Variants in JAM3 observed in about 807,000 individuals in gnomAD.
JAM3 encodes the protein junctional adhesion molecule 3.
A neutral mutation model predicts 39.4 loss-of-function variants in JAM3; 31 were observed. The ratio of observed to expected loss-of-function variants is 0.79; its 90% CI spans 0.59 to 1.06. JAM3 has a LOEUF of 1.06. Ranked by LOEUF, JAM3 falls within the 50% of genes least tolerant of loss-of-function variation. The probability of loss-of-function intolerance (pLI) is 0.00; values close to 1 mark genes in which losing one functional copy is unlikely to be tolerated. For synonymous variants in JAM3, 182 were observed against 148.7 expected, an observed-to-expected ratio of 1.22 and a Z score of -1.63; for missense variants, 455 against 391.4, an observed-to-expected ratio of 1.16 and a Z score of -1.37.
At chr11:134,122,695 A>G (rs1342222103) in intron 1 of JAM3, among the ~76,000 whole-genome samples, 1 of 152,218 alleles carries the variant, frequency 6.6e-6, no homozygotes. Flanking sequence ...TGAACTTTAC[A>G]TATAGGGGGC....
At chr11:134,081,089 C>T (rs1021205877) in intron 1 of JAM3, among the ~76,000 whole-genome samples, 10 of 152,048 alleles carry the variant, frequency 6.6e-5, no homozygotes, top group East Asian at 1.9e-4. Flanking sequence ...GGGTATCTAG[C>T]GGAAGAAATT....
At chr11:134,121,130 TGTTGA>T (rs1372598569) in intron 1 of JAM3, among the ~76,000 whole-genome samples, 1 of 152,118 alleles carries the variant, frequency 6.6e-6, no homozygotes, top group Admixed American at 6.5e-5. Context: ...TTTCCCAGCC[TGTTGA>T]GTTAGAACTG....
intron 1 of JAM3, among the ~76,000 whole-genome samples, chr11:134,128,212 G>GA (rs2120806025): frequency 1.3e-5 from 2 of 151,994 alleles, no homozygotes; most frequent in East Asian, 3.9e-4. Flanking sequence ...TGTAGCTGGG[G>GA]ATGCCATTCC....
At chr11:134,125,023 C>T (rs1157910274) in intron 1 of JAM3, among the ~76,000 whole-genome samples, 1 of 152,230 alleles carries the variant, frequency 6.6e-6, no homozygotes, top group Admixed American at 6.5e-5. Flanking sequence ...GACACCCGCC[C>T]GGTGGCGGCG....
At chr11:134,069,967 C>G (rs184004266) in intron 1 of JAM3, among the ~76,000 whole-genome samples, 54 of 152,346 alleles carry the variant, frequency 3.5e-4, no homozygotes, top group Non-Finnish European at 8.8e-5. Flanking sequence ...GATCAAGACA[C>G]ACTAATAAAC....
chr11:134,139,994 A>T (rs1362701149), intron 2 of JAM3, 78 bp downstream of exon 2: 3 of 1,127,592 alleles, frequency 2.7e-6, no homozygotes, highest in Non-Finnish European at 4.0e-6. Context: ...CTCAGGACAC[A>T]TCTGTCTCTG....
intron 1 of JAM3, among the ~76,000 whole-genome samples, chr11:134,077,485 T>A (rs951894186): frequency 2.6e-5 from 4 of 151,200 alleles, no homozygotes; most frequent in Admixed American, 1.3e-4. Flanking sequence ...TGCTTCAGCC[T>A]CCCGAGTAGC....
At chr11:134,133,839 C>A (rs953609242) in intron 1 of JAM3, among the ~76,000 whole-genome samples, 1 of 152,112 alleles carries the variant, frequency 6.6e-6, no homozygotes, top group African/African-American at 2.4e-5. Flanking sequence ...CCTGGGTAAT[C>A]ATGTCTGGCT....
chr11:134,092,314 C>A (rs1941878413), intron 1 of JAM3, among the ~76,000 whole-genome samples: 1 of 150,542 alleles, frequency 6.6e-6, no homozygotes, highest in Non-Finnish European at 1.5e-5. Flanking sequence ...AACGTCACTT[C>A]CTGAGGGAAG....
intron 1 of JAM3, 147 bp from the exon 2 acceptor site, chr11:134,139,704 A>G (rs1591805421): frequency 2.9e-6 from 2 of 696,526 alleles, no homozygotes; most frequent in East Asian, 2.7e-5. Flanking sequence ...AACTTGGCTT[A>G]CCTAAGAGAC....
chr11:134,086,834 G>C (rs1282215042), intron 1 of JAM3, among the ~76,000 whole-genome samples: 1 of 151,442 alleles, frequency 6.6e-6, no homozygotes, highest in Non-Finnish European at 1.5e-5. Context: ...TTTGTTTTTT[G>C]ATGCGGGGTC....
At chr11:134,099,721 C>T (rs1942041549) in intron 1 of JAM3, among the ~76,000 whole-genome samples, 1 of 152,210 alleles carries the variant, frequency 6.6e-6, no homozygotes, top group Non-Finnish European at 1.5e-5. Context: ...ATTCTTCTGC[C>T]TCAGCCTCCT....
At chr11:134,117,358 CAA>C (rs1335854553) in intron 1 of JAM3, among the ~76,000 whole-genome samples, 30 of 150,384 alleles carry the variant, frequency 2.0e-4, no homozygotes, top group African/African-American at 7.4e-5. Context: ...GCCTGGGCGA[CAA>C]GAGCAAAAAA....
intron 1 of JAM3, among the ~76,000 whole-genome samples, chr11:134,103,745 CA>C: frequency 6.6e-6 from 1 of 152,166 alleles, no homozygotes; most frequent in Middle Eastern, 3.4e-3. Context: ...TTTAAACCAA[CA>C]AAGATGAAAA....
At chr11:134,091,457 C>T (rs1018898509) in intron 1 of JAM3, among the ~76,000 whole-genome samples, 4 of 151,816 alleles carry the variant, frequency 2.6e-5, no homozygotes, top group Admixed American at 6.6e-5. Flanking sequence ...CGAGATCGTC[C>T]CACTGCACTC....
At chr11:134,130,845 A>C (rs373252350) in intron 1 of JAM3, among the ~76,000 whole-genome samples, 1 of 152,192 alleles carries the variant, frequency 6.6e-6, no homozygotes, top group Admixed American at 6.5e-5. Flanking sequence ...GGCCTAATGC[A>C]AGGTGCTTGT....
chr11:134,095,325 C>G (rs1359671673), intron 1 of JAM3, among the ~76,000 whole-genome samples: 9 of 151,862 alleles, frequency 5.9e-5, no homozygotes, highest in Non-Finnish European at 1.3e-4. Context: ...CACATGAAGT[C>G]TTTTGACTAA....
chr11:134,084,227 ACATCCAG>A (rs1359620276), intron 1 of JAM3, among the ~76,000 whole-genome samples: 1 of 152,128 alleles, frequency 6.6e-6, no homozygotes, highest in South Asian at 2.1e-4. Flanking sequence ...TCATTCCCCA[ACATCCAG>A]CTTCATATAC....
chr11:134,144,462 C>T, intron 4 of JAM3, 69 bp downstream of exon 4: 1 of 1,577,660 alleles, frequency 6.3e-7, no homozygotes, highest in South Asian at 1.1e-5. Context: ...GTCTTGGTTT[C>T]TTTCCTTCTA....
Sources: allele counts gnomAD v4.1 joint callset (sites outside exome capture counted in the v4.1 genomes callset), GRCh38; gene constraint gnomAD v4.1.1; transcripts MANE v1.5; gene names NCBI Gene and HGNC (gene_info 2026-07-23, HGNC 2026-07-21).